The following LMAN2 variants were observed in gnomAD, a reference collection of about 807,000 sequenced individuals.
LMAN2 encodes the protein lectin, mannose binding 2, also known as vesicular integral-membrane protein VIP36.
A neutral mutation model predicts 39.3 loss-of-function variants in LMAN2; 22 were observed. That is an observed-to-expected ratio of 0.56 (90% CI 0.40 to 0.80). The LOEUF is 0.80. LMAN2 is among the 30% of genes least tolerant of loss of function. The probability of loss-of-function intolerance (pLI) is 0.00; values close to 1 mark genes in which losing one functional copy is unlikely to be tolerated. For synonymous variants in LMAN2, 207 were observed against 207.8 expected (o/e 1.00, Z 0.03); for missense variants, 494 against 505.4 (o/e 0.98, Z 0.22).
At chr5:177,334,526 C>G in intron 6 of LMAN2, 123 bp from the exon 7 acceptor site, 1 of 1,359,444 alleles carries the variant, frequency 7.4e-7, no homozygotes, top group Non-Finnish European at 9.8e-7. Flanking sequence ...CTGGGGAGAG[C>G]ACTGCCCAGC....
At chr5:177,335,979 C>T (rs540642838) in intron 6 of LMAN2, among the ~76,000 whole-genome samples, 2 of 152,220 alleles carry the variant, frequency 1.3e-5, no homozygotes, top group African/African-American at 4.8e-5. Context: ...AGGTTAGAGG[C>T]ACCCCAGTGC....
chr5:177,349,372 G>A (rs1020283387), intron 2 of LMAN2, among the ~76,000 whole-genome samples: 9 of 152,338 alleles, frequency 5.9e-5, no homozygotes, highest in Non-Finnish European at 1.3e-4. Flanking sequence ...ATTAAAGGAA[G>A]AGGCAGTTCT....
chr5:177,350,437 G>A (rs1382978034), intron 2 of LMAN2, among the ~76,000 whole-genome samples: 2 of 152,012 alleles, frequency 1.3e-5, no homozygotes, highest in Non-Finnish European at 2.9e-5. Flanking sequence ...GCTGTCATTG[G>A]CCACTGCTCA....
chr5:177,339,034 G>A (rs1322217443), intron 2 of LMAN2, among the ~76,000 whole-genome samples: 7 of 152,236 alleles, frequency 4.6e-5, no homozygotes, highest in Non-Finnish European at 8.8e-5. Flanking sequence ...AACAAATTCA[G>A]AGGTGTAACA....
chr5:177,332,253 G>T lies in LMAN2; in HGVS notation c.911-7C>A, dbSNP rs754871830. ...GTGGGGTCGTCCACGTTGTCTGGGG[G>T]AGAAGAAACGGGGGAGCTGAAACGG... On this transcript the variant is annotated splice_region_variant and splice_polypyrimidine_tract_variant and intron_variant, in intron 7 of 7. Transcript: ENST00000303127. The surrounding 1 kb of genome is among the most constrained non-coding windows in gnomAD (Gnocchi z 6.3). 2.5e-6 allele frequency: 4 copies of T among 1,611,080 alleles called. No individual in the cohort carries two copies. Among genetic ancestry groups the T allele is most frequent in the Non-Finnish European group, 3.4e-6 (4 of 1,179,184 alleles).
At chr5:177,339,678 A>G (rs756810737) in intron 2 of LMAN2, among the ~76,000 whole-genome samples, 3 of 152,238 alleles carry the variant, frequency 2.0e-5, no homozygotes, top group Non-Finnish European at 4.4e-5. Context: ...AAGACCATTA[A>G]CGTCCAATGC....
At position 177,351,572 on chromosome 5, in the gene LMAN2, CG is replaced by C; in HGVS notation, c.75del (p.Gly26AlafsTer17). ...RCLGRPGLLG[P>X]GPGPTTPLFL... ...AAGAGAGGTGTAGTGGGGCCAGGGC[CG>C]GGGCCGAGAAGCCCAGGCCTTCCCA... On this transcript the variant is annotated frameshift_variant, in exon 1 of 8. Transcript: ENST00000303127. LOFTEE classifies it high-confidence loss of function. 1 of 1,614,014 alleles carries C rather than the reference CG, an allele frequency of 6.2e-7. No individual in the cohort carries two copies. Among genetic ancestry groups the C allele is most frequent in the Non-Finnish European group, 8.5e-7 (1 of 1,180,008 alleles).
At chr5:177,336,385 G>T (rs1048689077) in intron 6 of LMAN2, among the ~76,000 whole-genome samples, 7 of 152,184 alleles carry the variant, frequency 4.6e-5, no homozygotes, top group Non-Finnish European at 1.0e-4. Context: ...AGAGCAGCAG[G>T]AGGCCTCACA....
chr5:177,332,078 G>A lies in LMAN2; in HGVS notation c.*8C>T. The A allele has an allele frequency of 3.1e-6, 5 of 1,597,522 alleles. No individual in the cohort carries two copies. The highest frequency in any genetic ancestry group is 4.3e-6 in the Non-Finnish European group (5 of 1,169,244). On this transcript the variant is annotated 3_prime_UTR_variant, in exon 8 of 8. Coordinates refer to ENST00000303127, the MANE Select transcript of LMAN2 (RefSeq NM_006816.3). The surrounding 1 kb of genome is among the most constrained non-coding windows in gnomAD (Gnocchi z 6.3). Reference sequence around the variant, plus strand: ...GGGCCCAGGGACAGGCCCCGCCGGAGGCGCCACTCAGTAGAAGCGCTTGTT... The same window carrying A: ...GGGCCCAGGGACAGGCCCCGCCGGAAGCGCCACTCAGTAGAAGCGCTTGTT...
In LMAN2 at chr5:177,351,264, C is replaced by T. The variant is rs1442418541; in HGVS notation, c.224G>A (p.Trp75Ter). Reference protein sequence around the residue: ...QGVGSSSMPLWDFQGSTMLTS... With the variant: ...QGVGSSSMPL ...GAGCATAGTGCTGCCCTGGAAGTCCCAGAGGGGCATAGAGCTGGAACCGAC... is the reference window on the plus strand; with the variant it reads ...GAGCATAGTGCTGCCCTGGAAGTCCTAGAGGGGCATAGAGCTGGAACCGAC... Residue 75 changes from tryptophan to a stop codon, truncating the protein, a stop_gained, in exon 2 of 8, where the codon TGG (tryptophan) becomes TAG (stop). Transcript: ENST00000303127. LOFTEE classifies it high-confidence loss of function. 6.2e-7 allele frequency: 1 copy of T among 1,614,006 alleles called. No individual in the cohort carries two copies. The highest frequency in any genetic ancestry group is 8.5e-7 in the Non-Finnish European group (1 of 1,180,042).
At chr5:177,338,166 C>T (rs2127315510) in intron 3 of LMAN2, among the ~76,000 whole-genome samples, 1 of 152,258 alleles carries the variant, frequency 6.6e-6, no homozygotes, top group South Asian at 2.1e-4. Flanking sequence ...GGTCTGTGGG[C>T]CACATGCAGT....
Position 177,334,360 on chromosome 5 carries a change from C to G in LMAN2, c.834G>C (p.Val278=). ...TGCTCTCCTCGTCGGGCGTGTGCTC[C>G]ACCATCAGCTGGAACAGCTTCATGG... ...IISMKLFQLM[V]EHTPDEESID... Residue 278 remains valine (V), a synonymous_variant, in exon 7 of 8, where the codon GTG becomes GTC. Transcript: ENST00000303127. 1 of 1,613,760 alleles carries G rather than the reference C, an allele frequency of 6.2e-7. No individual in the cohort carries two copies. Among genetic ancestry groups the G allele is most frequent in the Non-Finnish European group, 8.5e-7 (1 of 1,180,014 alleles).
At position 177,351,156 on chromosome 5, in the gene LMAN2, T is replaced by G; in HGVS notation, c.315+17A>C. 1 of 1,611,992 alleles carries G rather than the reference T, an allele frequency of 6.2e-7. No homozygotes were observed. The highest frequency in any genetic ancestry group is 1.1e-5 in the South Asian group (1 of 91,012). On this transcript the variant is annotated intron_variant, in intron 2 of 7. Transcript: ENST00000303127. ...AGCCAACCGCACAGTACGCCTATCC[T>G]CTTGAGAACCACTCACCTGGTGGTT... is the stretch of plus-strand genomic sequence containing the variant.
intron 2 of LMAN2, among the ~76,000 whole-genome samples, 194 bp from the exon 3 acceptor site, chr5:177,338,799 T>C (rs907822726): frequency 1.3e-5 from 2 of 152,224 alleles, no homozygotes; most frequent in Non-Finnish European, 2.9e-5. Context: ...GAAGAGACTG[T>C]TGGGCACCAG....
intron 2 of LMAN2, among the ~76,000 whole-genome samples, chr5:177,348,047 T>G (rs992510959): frequency 6.6e-6 from 1 of 152,104 alleles, no homozygotes; most frequent in African/African-American, 2.4e-5. Flanking sequence ...AAACAAAAAG[T>G]AGAAGTGGTA....
At chr5:177,336,272 G>A (rs1031142017) in intron 6 of LMAN2, among the ~76,000 whole-genome samples, 11 of 152,168 alleles carry the variant, frequency 7.2e-5, no homozygotes, top group Non-Finnish European at 7.3e-5. Flanking sequence ...GGCGCATCCA[G>A]GCAGCAGCTG....
chr5:177,351,075 G>A lies in LMAN2; in HGVS notation c.315+98C>T. The A allele has an allele frequency of 9.9e-6, 10 of 1,014,380 alleles. No homozygotes were observed. The South Asian group carries it at 1.2e-4, about 12-fold the overall frequency. The allele number at this position is 1,014,380 out of a possible 1,614,324, so 62.8% of individuals were successfully genotyped here. A position where few individuals can be genotyped will look rare whatever the true frequency, so the allele number is the denominator to read the frequency against. On this transcript the variant is annotated intron_variant, in intron 2 of 7. Transcript: ENST00000303127. ...AGATGAGGAAAAGGCCAGGGACGGA[G>A]GTGCAAACCTATAAACGAAGCTGGG...
intron 2 of LMAN2, among the ~76,000 whole-genome samples, chr5:177,343,191 G>T (rs1029494352): frequency 1.3e-5 from 2 of 152,160 alleles, no homozygotes. Context: ...GGAGGCAGAG[G>T]TTCCAGCGAG....
At position 177,351,602 on chromosome 5, in the gene LMAN2, A is replaced by G. The variant is rs1581608226; in HGVS notation, c.46T>C (p.Cys16Arg). The change falls in exon 1 of 8, where the codon TGC (cysteine) becomes CGC (arginine). Residue 16 changes from cysteine to arginine, a missense_variant. Transcript: ENST00000303127. Reference sequence around the variant, plus strand: ...CCGAGAAGCCCAGGCCTTCCCAGGCACCGCCGGCCCCAGCCCCAACGCCAA... The same window carrying G: ...CCGAGAAGCCCAGGCCTTCCCAGGCGCCGCCGGCCCCAGCCCCAACGCCAA... ...WIWRWGWGRR[C>R]LGRPGLLGPG... 1 of 1,609,812 alleles carries G rather than the reference A, an allele frequency of 6.2e-7. No homozygotes were observed. The highest frequency in any genetic ancestry group is 1.3e-5 in the African/African-American group (1 of 74,600).
Sources: gnomAD v4.1 joint callset for allele counts (sites outside exome capture counted in the v4.1 genomes callset) on GRCh38, gnomAD v4.1.1 for gene constraint, Gnocchi (gnomAD v3.1) non-coding constraint, MANE v1.5 for transcripts, NCBI Gene and HGNC (gene_info 2026-07-23, HGNC 2026-07-21) for gene names.